ST6GALNAC5: variants seen among roughly 807,000 people sequenced by gnomAD.
ST6GALNAC5 encodes alpha-N-acetylgalactosaminide alpha-2,6-sialyltransferase 5.
Under a neutral mutation model 33.6 loss-of-function variants are expected in ST6GALNAC5, and 27 were observed. The ratio of observed to expected loss-of-function variants is 0.80; its 90% confidence interval spans 0.59 to 1.11. The LOEUF (loss-of-function observed/expected upper bound fraction) is 1.11, where lower values mean the gene tolerates loss of function less well. Among genes scored for constraint, ST6GALNAC5 ranks in the 50% least tolerant of loss-of-function variants. ST6GALNAC5 has a pLI of 0.00. For missense variants in ST6GALNAC5, 428 were observed against 454.0 expected (o/e 0.94, Z 0.52); for synonymous variants, 194 against 171.2 (o/e 1.13, Z -1.04).
At chr1:77,005,335 G>T (rs555263687) in intron 2 of ST6GALNAC5, among the ~76,000 whole-genome samples, 4 of 152,274 alleles carry the variant, frequency 2.6e-5, no homozygotes, top group East Asian at 1.9e-4. Flanking sequence ...GCAATGCCTC[G>T]CCCTGCTTCG....
In ST6GALNAC5 at chr1:77,050,242, T is replaced by C; in HGVS notation, c.672-16T>C. 6.2e-7 allele frequency: 1 copy of C among 1,611,244 alleles called. No individual in the cohort carries two copies. On this transcript the variant is annotated splice_polypyrimidine_tract_variant and intron_variant, in intron 3 of 4. Transcript: ENST00000477717. ...TTACTTTACCAGCTTGCAGACTTAATTATTGTTCCTTCCAGGAAGATATCC... is the reference window on the plus strand; with the variant it reads ...TTACTTTACCAGCTTGCAGACTTAACTATTGTTCCTTCCAGGAAGATATCC...
At chr1:76,961,382 C>T (rs189981136) in intron 2 of ST6GALNAC5, among the ~76,000 whole-genome samples, 129 of 152,056 alleles carry the variant, frequency 8.5e-4, no homozygotes, top group Non-Finnish European at 1.5e-3. Flanking sequence ...CTCTGGAATG[C>T]GAAGAAGAAA....
intron 2 of ST6GALNAC5, among the ~76,000 whole-genome samples, chr1:76,883,315 AG>A (rs1653825307): frequency 6.6e-6 from 1 of 152,198 alleles, no homozygotes; most frequent in Non-Finnish European, 1.5e-5. Flanking sequence ...TACCTTTTTG[AG>A]GCTAAGAACA....
At chr1:77,059,279 C>G (rs1365869709) in intron 4 of ST6GALNAC5, among the ~76,000 whole-genome samples, 2 of 152,170 alleles carry the variant, frequency 1.3e-5, no homozygotes, top group Non-Finnish European at 2.9e-5. Context: ...TCCTTTATGT[C>G]CTCCAAGAAC....
intron 2 of ST6GALNAC5, among the ~76,000 whole-genome samples, chr1:77,005,159 A>G (rs1294135327): frequency 1.3e-5 from 2 of 152,142 alleles, no homozygotes; most frequent in Non-Finnish European, 2.9e-5. Flanking sequence ...GTGGGGTAGT[A>G]CCCTCCAAGC....
chr1:76,971,841 T>G (rs1487450608), intron 2 of ST6GALNAC5, among the ~76,000 whole-genome samples: 1 of 152,184 alleles, frequency 6.6e-6, no homozygotes, highest in Non-Finnish European at 1.5e-5. Context: ...AATCTTAAGT[T>G]GGAGACTGTC....
chr1:77,063,062 A>G lies in ST6GALNAC5; in HGVS notation c.867A>G (p.Gly289=). 1.2e-6 allele frequency: 2 copies of G among 1,613,986 alleles called. No individual in the cohort carries two copies. Among genetic ancestry groups the G allele is most frequent in the Non-Finnish European group, 1.7e-6 (2 of 1,179,924 alleles). ...CAATGTACCTCTCCCATGAGCGAGGACGCAAGGGCAGTCATCACCGCTTTA... is the reference window on the plus strand; with the variant it reads ...CAATGTACCTCTCCCATGAGCGAGGGCGCAAGGGCAGTCATCACCGCTTTA... The part of the protein sequence containing the change: ...ECTMYLSHER[G]RKGSHHRFIT... The change falls in exon 5 of 5, where the codon GGA becomes GGG. Residue 289 remains glycine (G), a synonymous_variant. Coordinates refer to ENST00000477717, the MANE Select transcript of ST6GALNAC5 (RefSeq NM_030965.3).
In ST6GALNAC5 at chr1:76,895,150, C is replaced by T. The variant is rs570352097; in HGVS notation, c.261+26408C>T. ...GGAATGTCATCAGTTAAGGCAGGAA[C>T]CGGCCATCTGGATGTGTACGTGCAG... On this transcript the variant is annotated intron_variant, in intron 2 of 4. Transcript: ENST00000477717. 2.5e-3 allele frequency among the ~76,000 whole-genome samples: 376 copies of T among 152,254 alleles called. 2 individuals are homozygous for T. The highest frequency in any genetic ancestry group is 3.1e-3 in the Non-Finnish European group (213 of 68,022).
intron 2 of ST6GALNAC5, among the ~76,000 whole-genome samples, chr1:77,034,833 A>T (rs1651590985): frequency 6.6e-6 from 1 of 152,282 alleles, no homozygotes; most frequent in East Asian, 1.9e-4. Flanking sequence ...TTATTTAAGG[A>T]TTCCTTTTCG....
In ST6GALNAC5 at chr1:77,044,567, A is replaced by T; in HGVS notation, c.625A>T (p.Met209Leu). Residue 209 changes from methionine to leucine, a missense_variant, in exon 3 of 5, where the codon ATG (methionine) becomes TTG (leucine). Met to Leu is a conservative substitution (Grantham distance 15). Transcript: ENST00000477717. ...LKAFMITRHK[M>L]LQFDELFKQE... ...GGCCTTCATGATTACTCGCCACAAG[A>T]TGCTGCAGTTTGATGAGCTCTTCAA... The T allele has an allele frequency of 6.3e-7, 1 of 1,587,662 alleles. No individual in the cohort carries two copies. The highest frequency in any genetic ancestry group is 1.3e-5 in the African/African-American group (1 of 74,418).
rs575121070 is a variant in ST6GALNAC5, at chr1:76,937,824, C to T, written c.261+69082C>T. Among the ~76,000 whole-genome samples the T allele has an allele frequency of 4.6e-5, 7 of 152,176 alleles. No homozygotes were observed. The East Asian group carries it at 1.4e-3, about 29-fold the overall frequency. On this transcript the variant is annotated intron_variant, in intron 2 of 4. Coordinates refer to ENST00000477717, the MANE Select transcript of ST6GALNAC5 (RefSeq NM_030965.3). Reference sequence around the variant, plus strand: ...TTTCAGTAAGGACAAGAGAACAGAACTCTCTGTATTCCAATTTGAACGCCT... The same window carrying T: ...TTTCAGTAAGGACAAGAGAACAGAATTCTCTGTATTCCAATTTGAACGCCT...
intron 2 of ST6GALNAC5, among the ~76,000 whole-genome samples, chr1:77,026,997 T>C (rs1475825219): frequency 6.6e-6 from 1 of 152,128 alleles, no homozygotes; most frequent in African/African-American, 2.4e-5. Context: ...GTGTAGGTGC[T>C]CCCCCAGGTT....
intron 2 of ST6GALNAC5, among the ~76,000 whole-genome samples, chr1:76,950,169 T>A (rs1034394177): frequency 3.3e-5 from 5 of 152,098 alleles, no homozygotes; most frequent in African/African-American, 1.2e-4. Context: ...TCATGCACGG[T>A]ATGAAGGACT....
At chr1:76,989,447 TCATGG>T (rs2100393580) in intron 2 of ST6GALNAC5, among the ~76,000 whole-genome samples, 1 of 152,260 alleles carries the variant, frequency 6.6e-6, no homozygotes, top group South Asian at 2.1e-4. Flanking sequence ...TCCTCCAAAT[TCATGG>T]CAAGACATTT....
chr1:76,992,905 G>A (rs1398482631), intron 2 of ST6GALNAC5, among the ~76,000 whole-genome samples: 1 of 152,286 alleles, frequency 6.6e-6, no homozygotes, highest in South Asian at 2.1e-4. Context: ...TAGAGACAAA[G>A]TATGTCCACT....
intron 2 of ST6GALNAC5, among the ~76,000 whole-genome samples, chr1:77,034,066 G>A (rs1260507264): frequency 3.9e-5 from 6 of 152,050 alleles, no homozygotes; most frequent in Non-Finnish European, 7.4e-5. Context: ...TAGTTTCTTA[G>A]GGCTACCAGA....
intron 2 of ST6GALNAC5, among the ~76,000 whole-genome samples, chr1:76,894,797 G>A (rs1170879047): frequency 6.6e-6 from 1 of 152,026 alleles, no homozygotes; most frequent in Non-Finnish European, 1.5e-5. Flanking sequence ...TAAGGTTTGG[G>A]GTTTTCACCA....
intron 2 of ST6GALNAC5, among the ~76,000 whole-genome samples, chr1:76,925,047 A>T (rs1374588870): frequency 6.6e-6 from 1 of 152,050 alleles, no homozygotes; most frequent in East Asian, 1.9e-4. Flanking sequence ...TACAATCATG[A>T]TGGAAGGTGA....
chr1:76,960,058 C>T (rs1570710075), intron 2 of ST6GALNAC5, among the ~76,000 whole-genome samples: 1 of 152,050 alleles, frequency 6.6e-6, no homozygotes, highest in East Asian at 1.9e-4. Context: ...TCTTCAATAC[C>T]CCACTTTTAA....
Sources: allele counts gnomAD v4.1 joint callset (sites outside exome capture counted in the v4.1 genomes callset), GRCh38; gene constraint gnomAD v4.1.1; transcripts MANE v1.5; gene names NCBI Gene and HGNC (gene_info 2026-07-23, HGNC 2026-07-21).